Variants in PARD3B observed in about 807,000 individuals in gnomAD.
The protein encoded by PARD3B is par-3 family cell polarity regulator beta, also known as partitioning defective 3 homolog B.
Under a neutral mutation model 130.2 loss-of-function variants are expected in PARD3B, and 103 were observed. The observed-to-expected ratio is 0.79, with a 90% CI of 0.67 to 0.93. The LOEUF is 0.93. Among genes scored for constraint, PARD3B ranks in the 40% least tolerant of loss-of-function variants. The pLI, the probability that PARD3B is intolerant of heterozygous loss-of-function variation, is 0.00. For missense variants in PARD3B, 1,609 were observed against 1,499.2 expected, an observed-to-expected ratio of 1.07 and a Z score of -1.21; for synonymous variants, 583 against 553.2, an observed-to-expected ratio of 1.05 and a Z score of -0.76.
At chr2:205,251,532 A>G (rs553580840) in intron 16 of PARD3B, among the ~76,000 whole-genome samples, 2 of 152,338 alleles carry the variant, frequency 1.3e-5, no homozygotes, top group South Asian at 2.1e-4. Flanking sequence ...TTTTAAAACC[A>G]TAGGGTGATT....
intron 18 of PARD3B, among the ~76,000 whole-genome samples, chr2:205,336,504 G>T (rs185068094): frequency 6.6e-6 from 1 of 152,018 alleles, no homozygotes; most frequent in Admixed American, 6.6e-5. Context: ...ACCACTTAAG[G>T]TAATAACTTG....
intron 11 of PARD3B, among the ~76,000 whole-genome samples, chr2:205,165,981 C>G (rs2034791437): frequency 6.6e-6 from 1 of 151,914 alleles, no homozygotes; most frequent in Non-Finnish European, 1.5e-5. Flanking sequence ...TATGCCCTGG[C>G]ATATTCAAGA....
chr2:205,472,265 C>T (rs1437427722), intron 20 of PARD3B, among the ~76,000 whole-genome samples: 2 of 152,062 alleles, frequency 1.3e-5, no homozygotes, highest in African/African-American at 2.4e-5. Flanking sequence ...ACACACTCTC[C>T]CTTTCTCTCT....
intron 19 of PARD3B, among the ~76,000 whole-genome samples, chr2:205,434,684 G>C (rs2047448674): frequency 6.6e-6 from 1 of 151,928 alleles, no homozygotes; most frequent in Non-Finnish European, 1.5e-5. Context: ...AGTAATATTA[G>C]GAAAAGCAGT....
At chr2:205,056,208 G>GTT (rs529400247) in intron 4 of PARD3B, among the ~76,000 whole-genome samples, 5 of 146,300 alleles carry the variant, frequency 3.4e-5, no homozygotes, top group African/African-American at 2.5e-5. Flanking sequence ...GATAGGGGAC[G>GTT]TTTTTTTTTT....
intron 21 of PARD3B, among the ~76,000 whole-genome samples, chr2:205,544,619 G>A (rs1399901938): frequency 6.6e-6 from 1 of 152,204 alleles, no homozygotes; most frequent in Non-Finnish European, 1.5e-5. Flanking sequence ...AACAGAGACA[G>A]TTCAGGTTAT....
rs1287227745 is a variant in PARD3B at position 204,945,758 on chromosome 2, A to G, written c.223-19394A>G. ...CATAAAACCCAGTACAAATATTGGG[A>G]AAAATATCCCTGGGCAAGACATTCA... On this transcript the variant is annotated intron_variant, in intron 2 of 22. Coordinates refer to ENST00000406610, the MANE Select transcript of PARD3B (RefSeq NM_001302769.2). Among the ~76,000 whole-genome samples the G allele has an allele frequency of 3.3e-5, 5 of 152,320 alleles. No homozygotes were observed. In the East Asian group the frequency reaches 5.8e-4, roughly 18 times the overall value.
chr2:204,688,898 G>T (rs1450972166), intron 2 of PARD3B, among the ~76,000 whole-genome samples: 1 of 152,120 alleles, frequency 6.6e-6, no homozygotes, highest in East Asian at 1.9e-4. Context: ...AGTCCAAAGA[G>T]GCACGGATAG....
chr2:205,609,293 A>AT (rs1019006057), intron 22 of PARD3B, among the ~76,000 whole-genome samples: 17 of 152,184 alleles, frequency 1.1e-4, no homozygotes, highest in South Asian at 2.1e-4. Flanking sequence ...GTTTGTGCTG[A>AT]TTTTTTTTAA....
chr2:205,324,974 G>C (rs1393777960), intron 18 of PARD3B, among the ~76,000 whole-genome samples: 4 of 152,174 alleles, frequency 2.6e-5, no homozygotes, highest in Non-Finnish European at 5.9e-5. Context: ...CACCTGTGAA[G>C]ACCAATCCAT....
At chr2:205,388,823 G>A (rs1387124541) in intron 18 of PARD3B, among the ~76,000 whole-genome samples, 1 of 152,140 alleles carries the variant, frequency 6.6e-6, no homozygotes, top group Non-Finnish European at 1.5e-5. Context: ...TCCAGATAAG[G>A]TGCTATGGGT....
chr2:205,531,903 G>A (rs1368965426), intron 21 of PARD3B, among the ~76,000 whole-genome samples: 2 of 152,164 alleles, frequency 1.3e-5, no homozygotes, highest in Non-Finnish European at 2.9e-5. Context: ...TTACAGAGAA[G>A]TGGAAGGATG....
intron 3 of PARD3B, among the ~76,000 whole-genome samples, chr2:204,993,740 A>G (rs1262831464): frequency 1.4e-5 from 2 of 145,750 alleles, no homozygotes; most frequent in Non-Finnish European, 1.5e-5. Context: ...ACTATTGATT[A>G]TCGCCACAAT....
chr2:205,001,188 C>T (rs543721782), intron 3 of PARD3B, among the ~76,000 whole-genome samples: 3 of 152,184 alleles, frequency 2.0e-5, no homozygotes, highest in African/African-American at 7.2e-5. Flanking sequence ...GGGGTTTCAC[C>T]ATGTTGGCCA....
In PARD3B at chr2:205,122,065, A is replaced by G. The variant is rs959175786; in HGVS notation, c.1165+116A>G. 1 of 927,682 alleles carries G rather than the reference A, an allele frequency of 1.1e-6. No individual in the cohort carries two copies. Among genetic ancestry groups the G allele is most frequent in the Non-Finnish European group, 1.6e-6 (1 of 634,282 alleles). 57.5% of individuals were successfully genotyped at this position (927,682 alleles called of 1,614,324 possible). On this transcript the variant is annotated intron_variant, in intron 8 of 22. Transcript: ENST00000406610. The surrounding 1 kb of genome is among the most constrained non-coding windows in gnomAD (Gnocchi z 4.3). Reference sequence around the variant, plus strand: ...TCCCTTCATTTAATTGTATCAAAGAATAGATTTAAGTGTATACTTAGGTAA... The same window carrying G: ...TCCCTTCATTTAATTGTATCAAAGAGTAGATTTAAGTGTATACTTAGGTAA...
chr2:205,479,893 C>G (rs2049162947), intron 20 of PARD3B, among the ~76,000 whole-genome samples: 1 of 110,650 alleles, frequency 9.0e-6, no homozygotes, highest in Non-Finnish European at 1.8e-5. Flanking sequence ...CAGCCATATG[C>G]AATTTTTTTT....
intron 20 of PARD3B, among the ~76,000 whole-genome samples, chr2:205,471,044 A>G (rs1023525460): frequency 6.6e-6 from 1 of 152,144 alleles, no homozygotes; most frequent in Non-Finnish European, 1.5e-5. Flanking sequence ...CCTCGTTCAT[A>G]CCCTTTAATT....
At chr2:204,700,283 G>A (rs1018347476) in intron 2 of PARD3B, among the ~76,000 whole-genome samples, 1 of 151,920 alleles carries the variant, frequency 6.6e-6, no homozygotes, top group African/African-American at 2.4e-5. Context: ...GCATCTGATA[G>A]CCTCATGTTA....
chr2:205,120,531 A>G (rs2030566268), intron 7 of PARD3B, among the ~76,000 whole-genome samples: 1 of 152,220 alleles, frequency 6.6e-6, no homozygotes, highest in South Asian at 2.1e-4. Context: ...GAGACCTGAA[A>G]TAAGAATAGC....
Sources: allele counts gnomAD v4.1 joint callset (sites outside exome capture counted in the v4.1 genomes callset), GRCh38; gene constraint gnomAD v4.1.1; non-coding constraint Gnocchi (gnomAD v3.1); transcripts MANE v1.5; gene names NCBI Gene and HGNC (gene_info 2026-07-23, HGNC 2026-07-21).